The following PRKG1 variants were observed in gnomAD, a reference collection of about 807,000 sequenced individuals.
PRKG1 encodes the protein protein kinase cGMP-dependent 1, also known as cGMP-dependent protein kinase 1.
A neutral mutation model predicts 88.1 loss-of-function variants in PRKG1; 35 were observed. That is an observed-to-expected ratio of 0.40 (90% CI 0.30 to 0.53). The LOEUF is 0.53. Among genes scored for constraint, PRKG1 ranks in the 20% least tolerant of loss-of-function variants. PRKG1 has a pLI of 0.59. For synonymous variants in PRKG1, 303 were observed against 292.5 expected (o/e 1.04, Z -0.37); for missense variants, 540 against 839.8 (o/e 0.64, Z 4.41).
chr10:52,101,277 A>G (rs190024482), intron 7 of PRKG1, among the ~76,000 whole-genome samples: 6 of 152,298 alleles, frequency 3.9e-5, no homozygotes, highest in Admixed American at 2.0e-4. Context: ...TTTCAGAGAC[A>G]GGTATCCGTT....
intron 3 of PRKG1, among the ~76,000 whole-genome samples, chr10:51,770,456 T>C (rs1365267007): frequency 6.6e-6 from 1 of 152,152 alleles, no homozygotes; most frequent in Non-Finnish European, 1.5e-5. Context: ...TTCTCAACAT[T>C]TTGTCTGACT....
chr10:51,722,354 C>A (rs1426773662), intron 3 of PRKG1, among the ~76,000 whole-genome samples: 1 of 152,022 alleles, frequency 6.6e-6, no homozygotes, highest in Non-Finnish European at 1.5e-5. Flanking sequence ...CTTCTATTTG[C>A]ATGACAACAT....
At chr10:51,388,022 T>C (rs1837296243) in intron 2 of PRKG1, among the ~76,000 whole-genome samples, 1 of 152,204 alleles carries the variant, frequency 6.6e-6, no homozygotes. Flanking sequence ...GTTTTTTCAT[T>C]TATTTCTTAA....
At chr10:52,115,884 C>G (rs1284811661) in intron 7 of PRKG1, among the ~76,000 whole-genome samples, 2 of 151,916 alleles carry the variant, frequency 1.3e-5, no homozygotes, top group African/African-American at 2.4e-5. Flanking sequence ...TTTAGATATT[C>G]AGAGAAAAAC....
chr10:51,759,389 C>T (rs570565262), intron 3 of PRKG1, among the ~76,000 whole-genome samples: 65 of 151,992 alleles, frequency 4.3e-4, no homozygotes, highest in Middle Eastern at 3.2e-3. Context: ...GCCTCAGCCT[C>T]CCAAGTAGCT....
chr10:52,109,312 C>G (rs1471821743), intron 7 of PRKG1, among the ~76,000 whole-genome samples: 1 of 152,114 alleles, frequency 6.6e-6, no homozygotes, highest in Non-Finnish European at 1.5e-5. Context: ...CCGCATTTTT[C>G]TAAAAGAACA....
chr10:51,246,548 G>C (rs894660319), intron 2 of PRKG1, among the ~76,000 whole-genome samples: 12 of 150,728 alleles, frequency 8.0e-5, no homozygotes, highest in Admixed American at 2.7e-4. Context: ...AGCCCAAAAT[G>C]TTTACTTTCC....
At chr10:51,086,905 G>C (rs1844266635) in intron 1 of PRKG1, among the ~76,000 whole-genome samples, 2 of 152,202 alleles carry the variant, frequency 1.3e-5, no homozygotes, top group African/African-American at 4.8e-5. Context: ...GTTACTGTCA[G>C]GGTGATGGAT....
chr10:51,547,000 G>A (rs1186939414), intron 3 of PRKG1, among the ~76,000 whole-genome samples: 1 of 152,052 alleles, frequency 6.6e-6, no homozygotes, highest in Non-Finnish European at 1.5e-5. Flanking sequence ...TCCTATGGGT[G>A]CAAGACTTTG....
At chr10:52,220,223 T>G (rs1313339194) in intron 9 of PRKG1, among the ~76,000 whole-genome samples, 1 of 152,112 alleles carries the variant, frequency 6.6e-6, no homozygotes, top group Non-Finnish European at 1.5e-5. Context: ...TCCCTGAGGT[T>G]GTTTGCTTTC....
At chr10:51,667,935 T>C (rs900709943) in intron 3 of PRKG1, among the ~76,000 whole-genome samples, 2 of 152,152 alleles carry the variant, frequency 1.3e-5, no homozygotes, top group Admixed American at 1.3e-4. Context: ...CTGAAGTTGG[T>C]TGAGATTATT....
At chr10:51,006,310 C>T (rs919456170) in intron 1 of PRKG1, among the ~76,000 whole-genome samples, 4 of 152,206 alleles carry the variant, frequency 2.6e-5, no homozygotes, top group Non-Finnish European at 4.4e-5. Context: ...CAAAAATACA[C>T]ACAAAACCAC....
chr10:51,413,202 T>C (rs1055565796), intron 2 of PRKG1, among the ~76,000 whole-genome samples: 1 of 152,224 alleles, frequency 6.6e-6, no homozygotes, highest in African/African-American at 2.4e-5. Flanking sequence ...TTTTTGTTGC[T>C]ATTGTTATTT....
intron 2 of PRKG1, among the ~76,000 whole-genome samples, chr10:51,259,490 T>A (rs1839648612): frequency 6.6e-6 from 1 of 152,216 alleles, no homozygotes; most frequent in Non-Finnish European, 1.5e-5. Flanking sequence ...TTTGTTTTTT[T>A]GAGATGGAGT....
At chr10:52,039,432 T>C (rs1445320342) in intron 5 of PRKG1, among the ~76,000 whole-genome samples, 1 of 152,136 alleles carries the variant, frequency 6.6e-6, no homozygotes, top group East Asian at 1.9e-4. Context: ...TGTGGTGGAA[T>C]GTCATCAGTT....
At chr10:51,256,674 C>A (rs181545087) in intron 2 of PRKG1, among the ~76,000 whole-genome samples, 3 of 151,960 alleles carry the variant, frequency 2.0e-5, no homozygotes, top group South Asian at 4.2e-4. Flanking sequence ...AGACACAGAT[C>A]CAATCCAGGA....
chr10:51,771,178 A>G (rs531877686), intron 3 of PRKG1, among the ~76,000 whole-genome samples: 41 of 152,220 alleles, frequency 2.7e-4, no homozygotes, highest in Non-Finnish European at 5.7e-4. Context: ...TACTGTTGCA[A>G]CAACCTAATC....
rs3220860 is a variant in PRKG1, at chr10:52,155,732, G to GCCACACACACACACAC, written c.1002-6157_1002-6156insCCACACACACACACAC. Among the ~76,000 whole-genome samples the GCCACACACACACACAC allele has an allele frequency of 4.3e-4, 64 of 147,892 alleles. 1 individual carries two copies. The highest frequency in any genetic ancestry group is 1.1e-3 in the South Asian group (5 of 4,660). ...TCAATTTGTTAACCTATTGCCATTGGACACACACACACACACACACACACG... is the reference window on the plus strand; with the variant it reads ...TCAATTTGTTAACCTATTGCCATTGGCCACACACACACACACACACACACACACACACACACACACG... On this transcript the variant is annotated intron_variant, in intron 8 of 17. Coordinates refer to ENST00000373980, the MANE Select transcript of PRKG1 (RefSeq NM_006258.4).
At chr10:51,207,026 G>A (rs1173458580) in intron 2 of PRKG1, among the ~76,000 whole-genome samples, 1 of 151,972 alleles carries the variant, frequency 6.6e-6, no homozygotes, top group Non-Finnish European at 1.5e-5. Flanking sequence ...ATTTTTGACT[G>A]GCTATTTCTT....
Sources: allele counts gnomAD v4.1 joint callset (sites outside exome capture counted in the v4.1 genomes callset), GRCh38; gene constraint gnomAD v4.1.1; transcripts MANE v1.5; gene names NCBI Gene and HGNC (gene_info 2026-07-23, HGNC 2026-07-21).